Variants in TUSC3 observed in about 807,000 individuals in gnomAD.
TUSC3 encodes dolichyl-diphosphooligosaccharide--protein glycosyltransferase subunit TUSC3.
A neutral mutation model predicts 44.8 loss-of-function variants in TUSC3; 45 were observed. The ratio of observed to expected loss-of-function variants is 1.00; its 90% confidence interval spans 0.79 to 1.29. The LOEUF is 1.29. Ranked by LOEUF, TUSC3 falls within the 50% of genes most tolerant of loss-of-function variation. The pLI, the probability that TUSC3 is intolerant of heterozygous loss-of-function variation, is 0.00. For synonymous variants in TUSC3, 212 were observed against 152.9 expected (o/e 1.39, Z -2.85); for missense variants, 519 against 437.9 (o/e 1.19, Z -1.65).
chr8:15,646,312 T>C (rs1806627152), intron 2 of TUSC3, among the ~76,000 whole-genome samples: 1 of 152,086 alleles, frequency 6.6e-6, no homozygotes, highest in South Asian at 2.1e-4. Flanking sequence ...AAGACATAGA[T>C]TATGTAAGTT....
At position 15,689,737 on chromosome 8, in the gene TUSC3, G is replaced by C. The variant is rs143093004; in HGVS notation, c.798+15901G>C. Among the ~76,000 whole-genome samples, 1,012 of 151,854 alleles carry C rather than the reference G, an allele frequency of 6.7e-3. 13 individuals carry two copies. The highest frequency in any genetic ancestry group is 0.023 in the African/African-American group (956 of 41,366). On this transcript the variant is annotated intron_variant, in intron 6 of 10. Transcript: ENST00000503731. The stretch of plus-strand genomic sequence containing the variant: ...TGGTTTTCTCTTCCTGTGTTAGTTT[G>C]CTTAGGATAATGGCATCCAACTCCA...
At chr8:15,574,081 C>G (rs1326170149) in intron 1 of TUSC3, among the ~76,000 whole-genome samples, 1 of 152,008 alleles carries the variant, frequency 6.6e-6, no homozygotes. Flanking sequence ...TTGGATGGAC[C>G]TAACAAGAGA....
intron 1 of TUSC3, among the ~76,000 whole-genome samples, chr8:15,463,326 A>T (rs926756282): frequency 6.6e-6 from 1 of 152,264 alleles, no homozygotes; most frequent in East Asian, 1.9e-4. Flanking sequence ...CATCACTATG[A>T]ATCACATCAT....
intron 1 of TUSC3, among the ~76,000 whole-genome samples, chr8:15,479,282 G>A (rs1800626519): frequency 6.6e-6 from 1 of 152,102 alleles, no homozygotes; most frequent in South Asian, 2.1e-4. Flanking sequence ...AAGCTCTCTA[G>A]TTTAATTAGA....
chr8:15,816,604 G>T, the TUSC3 span, among the ~76,000 whole-genome samples: 2 of 152,132 alleles, frequency 1.3e-5, no homozygotes, highest in African/African-American at 4.8e-5. Flanking sequence ...TAATTCGTAA[G>T]ACGATGTTGC....
chr8:15,653,493 G>T (rs1807011229), intron 3 of TUSC3, among the ~76,000 whole-genome samples: 1 of 152,024 alleles, frequency 6.6e-6, no homozygotes, highest in Non-Finnish European at 1.5e-5. Context: ...GTATGCTTTA[G>T]ACATAATTAT....
rs117165226 is a variant in TUSC3, at chr8:15,568,186, G to C, written c.138+27618G>C. On this transcript the variant is annotated intron_variant, in intron 1 of 10. Transcript: ENST00000503731. Reference sequence around the variant, plus strand: ...AATTGGAAGGATGTGCTTTTCGTTTGTCTCTCACTTGGGCACGAAAAAGTG... The same window carrying C: ...AATTGGAAGGATGTGCTTTTCGTTTCTCTCTCACTTGGGCACGAAAAAGTG... 3.4e-4 allele frequency among the ~76,000 whole-genome samples: 52 copies of C among 152,218 alleles called. No homozygotes were observed. In the East Asian group the frequency reaches 8.3e-3, roughly 24 times the overall value.
intron 1 of TUSC3, among the ~76,000 whole-genome samples, chr8:15,595,946 A>G (rs1554455212): frequency 6.6e-6 from 1 of 152,172 alleles, no homozygotes; most frequent in Non-Finnish European, 1.5e-5. Flanking sequence ...TTGAATAGTA[A>G]TGGTCCCAAA....
At chr8:15,662,065 C>A in intron 4 of TUSC3, 91 bp from the exon 5 acceptor site, 1 of 1,436,358 alleles carries the variant, frequency 7.0e-7, no homozygotes. Context: ...TTTCTGAGTT[C>A]TTTGCGTTGA....
intron 1 of TUSC3, among the ~76,000 whole-genome samples, chr8:15,440,662 A>T (rs73191104): frequency 6.6e-5 from 10 of 152,080 alleles, no homozygotes; most frequent in African/African-American, 2.2e-4. Flanking sequence ...ATTTTAAACA[A>T]TGCTACAAAA....
chr8:15,534,181 A>G (rs1801490294), intron 2 of TUSC3, among the ~76,000 whole-genome samples: 1 of 152,152 alleles, frequency 6.6e-6, no homozygotes. Context: ...TTATTACTAT[A>G]ATTATGAGAT....
At chr8:15,707,508 A>G (rs899430637) in intron 6 of TUSC3, among the ~76,000 whole-genome samples, 9 of 152,084 alleles carry the variant, frequency 5.9e-5, no homozygotes, top group African/African-American at 2.2e-4. Context: ...AGCACAAGTC[A>G]TTTTTCTCTC....
intron 1 of TUSC3, among the ~76,000 whole-genome samples, chr8:15,455,583 A>C (rs953692311): frequency 1.3e-5 from 2 of 152,016 alleles, no homozygotes; most frequent in Non-Finnish European, 2.9e-5. Context: ...CTTTTTTTTA[A>C]CTATTTGCAA....
chr8:15,542,422 G>C (rs1056355712), intron 1 of TUSC3, among the ~76,000 whole-genome samples: 3 of 151,926 alleles, frequency 2.0e-5, no homozygotes, highest in African/African-American at 7.3e-5. Context: ...GGTATAATGA[G>C]CATGTCTGGC....
chr8:15,757,909 A>C, intron 10 of TUSC3, 54 bp downstream of exon 10: 1 of 1,450,098 alleles, frequency 6.9e-7, no homozygotes, highest in Non-Finnish European at 9.7e-7. Context: ...TCAAATATAG[A>C]GAGTATAACA....
At chr8:15,646,972 A>G (rs1400992734) in intron 2 of TUSC3, among the ~76,000 whole-genome samples, 1 of 151,950 alleles carries the variant, frequency 6.6e-6, no homozygotes, top group Non-Finnish European at 1.5e-5. Context: ...TTCATTACCT[A>G]TGGCTGATGT....
intron 2 of TUSC3, among the ~76,000 whole-genome samples, chr8:15,522,103 G>A (rs1007190340): frequency 2.0e-5 from 3 of 152,130 alleles, no homozygotes; most frequent in African/African-American, 7.2e-5. Flanking sequence ...ATTTACAGTA[G>A]ACTATTGTTG....
In TUSC3 at chr8:15,753,666, C is replaced by T. The variant is rs558744677; in HGVS notation, c.1029-4125C>T. 1.2e-4 allele frequency among the ~76,000 whole-genome samples: 18 copies of T among 152,056 alleles called. No individual in the cohort carries two copies. The South Asian group carries it at 2.9e-3, about 25-fold the overall frequency. ...TTAGTTTCCTTCTTAAATAAGCTTTCGTTTTCTTCTCAGTTATTTTATCAA... is the reference window on the plus strand; with the variant it reads ...TTAGTTTCCTTCTTAAATAAGCTTTTGTTTTCTTCTCAGTTATTTTATCAA... On this transcript the variant is annotated intron_variant, in intron 9 of 10. Transcript: ENST00000503731.
At chr8:15,758,090 C>G in intron 10 of TUSC3, 1 of 1,296,964 alleles carries the variant, frequency 7.7e-7, no homozygotes, top group East Asian at 3.0e-5. Flanking sequence ...AATCATTTGA[C>G]AGATGCAATG....
Sources: gnomAD v4.1 joint callset for allele counts (sites outside exome capture counted in the v4.1 genomes callset) on GRCh38, gnomAD v4.1.1 for gene constraint, MANE v1.5 for transcripts, NCBI Gene and HGNC (gene_info 2026-07-23, HGNC 2026-07-21) for gene names.